The following KMT2D variants were observed in gnomAD, a reference collection of about 807,000 sequenced individuals.
KMT2D encodes the protein lysine methyltransferase 2D.
KMT2D carries 55 observed loss-of-function variants against 512.7 expected under a neutral mutation model. The observed-to-expected ratio is 0.11, with a 90% CI of 0.09 to 0.13. The LOEUF (loss-of-function observed/expected upper bound fraction) is 0.13. Among genes scored for constraint, KMT2D ranks in the 10% least tolerant of loss-of-function variants. The probability of loss-of-function intolerance (pLI) is 1.00; values close to 1 mark genes in which losing one functional copy is unlikely to be tolerated. For missense variants in KMT2D, 6,061 were observed against 7,127.9 expected (o/e 0.85, Z 5.39); for synonymous variants, 2,995 against 2,904.0 (o/e 1.03, Z -1.01).
intron 11 of KMT2D, 38 bp downstream of exon 11, chr12:49,050,848 A>C (rs989146768): frequency 6.4e-7 from 1 of 1,556,256 alleles, no homozygotes; most frequent in Admixed American, 1.9e-5. Context: ...GAAGAGTTAC[A>C]GCTGTTCCAG....
rs778134618 is a variant in KMT2D, at chr12:49,049,850, C to T, written c.3738G>A (p.Thr1246=). ...CCTCATCTCGGGCTGGACTAACATC[C>T]GTAGAGACCCCCAACTCCATGGACA... ...GSLSMELGVS[T]DVSPARDEGS... Residue 1246 remains threonine (T), a synonymous_variant, in exon 12 of 55, where the codon ACG becomes ACA. Coordinates refer to ENST00000301067, the MANE Select transcript of KMT2D (RefSeq NM_003482.4). 16 of 1,613,830 alleles carry T rather than the reference C, an allele frequency of 9.9e-6. No homozygotes were observed. The Admixed American group carries it at 1.0e-4, about 10-fold the overall frequency.
Position 49,020,989 on chromosome 12 carries a change from C to T in KMT2D, c.*791G>A. On this transcript the variant is annotated 3_prime_UTR_variant, in exon 55 of 55. Transcript: ENST00000301067. ...TGTTGTTTTTCTTCCTCCTCCTACC[C>T]CCCTTCCACCCACTCAGAAGAGGGC... The T allele has an allele frequency of 5.1e-6, 1 of 195,152 alleles. No homozygotes were observed. Among genetic ancestry groups the T allele is most frequent in the East Asian group, 7.9e-5 (1 of 12,656 alleles). The allele number at this position is 195,152 out of a possible 1,614,324, so 12.1% of individuals were successfully genotyped here. A position where few individuals can be genotyped will look rare whatever the true frequency, so the allele number is the denominator to read the frequency against.
At chr12:49,027,697 C>T in intron 48 of KMT2D, 106 bp downstream of exon 48, 1 of 1,393,656 alleles carries the variant, frequency 7.2e-7, no homozygotes, top group South Asian at 1.3e-5. Flanking sequence ...TAAAGTGATT[C>T]ACTCGCCTTG....
chr12:49,021,945 G>T lies in KMT2D; in HGVS notation c.16522-73C>A, dbSNP rs544162940. On this transcript the variant is annotated intron_variant, in intron 54 of 54. Coordinates refer to ENST00000301067, the MANE Select transcript of KMT2D (RefSeq NM_003482.4). ...GGGGAGGCCAGAGAAGATATGATCT[G>T]AGGTGCCCAGCCTAGGAATCCACAT... The T allele has an allele frequency of 4.1e-5, 64 of 1,554,220 alleles. No individual in the cohort carries two copies. The African/African-American group carries it at 8.1e-4, about 20-fold the overall frequency.
At chr12:49,049,560 G>A (rs1395564327) in intron 12 of KMT2D, 122 bp downstream of exon 12, 9 of 1,104,836 alleles carry the variant, frequency 8.1e-6, no homozygotes, top group Non-Finnish European at 1.1e-5. Context: ...CTTAATAACT[G>A]GAATAAAGGA....
intron 12 of KMT2D, 85 bp from the exon 13 acceptor site, chr12:49,049,303 C>T (rs1937771334): frequency 1.0e-5 from 9 of 874,102 alleles, no homozygotes; most frequent in South Asian, 5.1e-5. Flanking sequence ...AAGTGACAAA[C>T]GGACAGAGTA....
At chr12:49,047,541 C>A (rs1937631771) in intron 15 of KMT2D, among the ~76,000 whole-genome samples, 1 of 151,560 alleles carries the variant, frequency 6.6e-6, no homozygotes, top group Non-Finnish European at 1.5e-5. Context: ...CCTCAGCCTC[C>A]CGAGTTGCTG....
chr12:49,048,130 G>A, intron 14 of KMT2D, 61 bp from the exon 15 acceptor site: 2 of 1,151,186 alleles, frequency 1.7e-6, no homozygotes, highest in Non-Finnish European at 2.6e-6. Flanking sequence ...CTCAGATCCA[G>A]TCTACTATGA....
rs550229839 is a variant in KMT2D at position 49,043,640 on chromosome 12, T to C, written c.5462A>G (p.Gln1821Arg). The C allele has an allele frequency of 1.8e-5, 29 of 1,613,890 alleles. No individual in the cohort carries two copies. The highest frequency in any genetic ancestry group is 2.5e-5 in the Non-Finnish European group (29 of 1,179,890). The change falls in exon 24 of 55, where the codon CAG (glutamine) becomes CGG (arginine). Residue 1821 changes from glutamine to arginine, a missense_variant. Gln to Arg is a conservative substitution (Grantham distance 43). This residue lies in a region of KMT2D where 640 missense variants were observed against 814.3 expected (regional missense o/e 0.79). Transcript: ENST00000301067. ...CTCACTCCCACATAACTAACCTTTCTGCGATGTGGGGAGTTCCTTCCTTTC... is the reference window on the plus strand; with the variant it reads ...CTCACTCCCACATAACTAACCTTTCCGCGATGTGGGGAGTTCCTTCCTTTC... Reference protein sequence around the residue: ...GSERKELPTSQKGDDGPDIAD... With the variant: ...GSERKELPTSRKGDDGPDIAD...
rs201581582 is a variant in KMT2D at position 49,040,724 on chromosome 12, G to A, written c.7046C>T (p.Pro2349Leu). The change falls in exon 32 of 55, where the codon CCC (proline) becomes CTC (leucine). Residue 2349 changes from proline to leucine, a missense_variant. Pro to Leu is a moderately conservative substitution (Grantham distance 98). Coordinates refer to ENST00000301067, the MANE Select transcript of KMT2D (RefSeq NM_003482.4). The part of the protein sequence containing the change: ...EPQSPGLGLR[P>L]QEPPPAQALA... ...AGCCTGGGCAGGGGGTGGCTCCTGG[G>A]GCCTTAGGCCCAAGCCCGGGCTCTG... 1.2e-4 allele frequency: 200 copies of A among 1,613,666 alleles called. 1 individual carries two copies. The East Asian group carries it at 3.5e-3, about 28-fold the overall frequency.
At position 49,020,124 on chromosome 12, in the gene KMT2D, TGGGCAGAAAGG is replaced by T. The variant is rs1226712636; in HGVS notation, c.*1645_*1655del. 3 of 188,542 alleles carry T rather than the reference TGGGCAGAAAGG, an allele frequency of 1.6e-5. No homozygotes were observed. Among genetic ancestry groups the T allele is most frequent in the African/African-American group, 7.0e-5 (3 of 42,730 alleles). 11.7% of individuals were successfully genotyped at this position (188,542 alleles called of 1,614,324 possible). A position where few individuals can be genotyped will look rare whatever the true frequency, so the allele number is the denominator to read the frequency against. On this transcript the variant is annotated 3_prime_UTR_variant, in exon 55 of 55. Coordinates refer to ENST00000301067, the MANE Select transcript of KMT2D (RefSeq NM_003482.4). Reference sequence around the variant, plus strand: ...AAGAGGTTCAACTGCAGCACAAGCTTGGGCAGAAAGGGGAAGGAAAGGGAGGCAAGGAACCC... The same window carrying T: ...AAGAGGTTCAACTGCAGCACAAGCTTGGAAGGAAAGGGAGGCAAGGAACCC...
Position 49,033,917 on chromosome 12 carries a change from C to T in KMT2D, c.10788G>A (p.Arg3596=). The stretch of plus-strand genomic sequence containing the variant: ...GCTGCTGTTGTTGCTGCTGCTTGTT[C>T]CGATATTCTGCCATGAGATTAGTGT... ...KEHTNLMAEY[R]NKQQQQQQQQ... The change falls in exon 40 of 55, where the codon CGG becomes CGA. Residue 3596 remains arginine (R), a synonymous_variant. Transcript: ENST00000301067. The T allele has an allele frequency of 6.5e-7, 1 of 1,539,316 alleles. No individual in the cohort carries two copies. The highest frequency in any genetic ancestry group is 8.8e-7 in the Non-Finnish European group (1 of 1,142,382).
Position 49,042,670 on chromosome 12 carries a change from A to C in KMT2D, c.5783-25T>G. 1 of 1,610,890 alleles carries C rather than the reference A, an allele frequency of 6.2e-7. No individual in the cohort carries two copies. Among genetic ancestry groups the C allele is most frequent in the Non-Finnish European group, 8.5e-7 (1 of 1,177,912 alleles). On this transcript the variant is annotated intron_variant, in intron 27 of 54. Coordinates refer to ENST00000301067, the MANE Select transcript of KMT2D (RefSeq NM_003482.4). The surrounding 1 kb of genome is among the most constrained non-coding windows in gnomAD (Gnocchi z 4.4). ...CCTACAAGACGGACAGGATCAGAGAAAAGAGCAACTGGCCCATCCTGGAGG... is the reference window on the plus strand; with the variant it reads ...CCTACAAGACGGACAGGATCAGAGACAAGAGCAACTGGCCCATCCTGGAGG...
At chr12:49,047,618 C>T (rs535199162) in intron 15 of KMT2D, among the ~76,000 whole-genome samples, 1 of 152,018 alleles carries the variant, frequency 6.6e-6, no homozygotes, top group South Asian at 2.1e-4. Context: ...CGGGGTTTCA[C>T]CATGTTGACC....
rs747082882 is a variant in KMT2D at position 49,049,072 on chromosome 12, G to T, written c.4020+33C>A. 148 of 1,354,068 alleles carry T rather than the reference G, an allele frequency of 1.1e-4. 4 individuals carry two copies. In the South Asian group the frequency reaches 1.7e-3, roughly 16 times the overall value. The allele number at this position is 1,354,068 out of a possible 1,614,324, so 83.9% of individuals were successfully genotyped here. On this transcript the variant is annotated intron_variant, in intron 13 of 54. Transcript: ENST00000301067. Reference sequence around the variant, plus strand: ...ACTCAGAGGGTGCTAAAGCATGGTTGGGGGATGGGAGGAATAGGAGGCATC... The same window carrying T: ...ACTCAGAGGGTGCTAAAGCATGGTTTGGGGATGGGAGGAATAGGAGGCATC...
Position 49,024,169 on chromosome 12 carries a change from CTATT to C in KMT2D, c.16052+405_16052+408del. On this transcript the variant is annotated intron_variant, in intron 51 of 54. Transcript: ENST00000301067. The surrounding 1 kb of genome is among the most constrained non-coding windows in gnomAD (Gnocchi z 4.5). ...TATTATTTTTCTATTATATCTCTAACTATTTATTTTTGACACCAACACTCATGGG... is the reference window on the plus strand; with the variant it reads ...TATTATTTTTCTATTATATCTCTAACTATTTTTGACACCAACACTCATGGG... 2 of 447,838 alleles carry C rather than the reference CTATT, an allele frequency of 4.5e-6. No homozygotes were observed. The highest frequency in any genetic ancestry group is 8.8e-6 in the Non-Finnish European group (2 of 227,496). The allele number at this position is 447,838 out of a possible 1,614,324, so 27.7% of individuals were successfully genotyped here.
chr12:49,048,451 C>A (rs1288485700), intron 14 of KMT2D, among the ~76,000 whole-genome samples: 2 of 152,236 alleles, frequency 1.3e-5, no homozygotes, highest in East Asian at 1.9e-4. Context: ...ACTGCTATTT[C>A]TCTAGCTCCT....
rs2120608428 is a variant in KMT2D at position 49,046,549 on chromosome 12, T to C, written c.4418+60A>G. 1 of 1,577,998 alleles carries C rather than the reference T, an allele frequency of 6.3e-7. No homozygotes were observed. The highest frequency in any genetic ancestry group is 8.6e-7 in the Non-Finnish European group (1 of 1,157,534). The stretch of plus-strand genomic sequence containing the variant: ...CCCAGCCTCTGTCACATACTCAACA[T>C]CATATCCACTTTAACATCTCAAGGC... On this transcript the variant is annotated intron_variant, in intron 16 of 54. Transcript: ENST00000301067. The surrounding 1 kb of genome is among the most constrained non-coding windows in gnomAD (Gnocchi z 4.2).
rs2120643168 is a variant in KMT2D, at chr12:49,049,936, C to T, written c.3652G>A (p.Ala1218Thr). 9 of 1,613,974 alleles carry T rather than the reference C, an allele frequency of 5.6e-6. No individual in the cohort carries two copies. Among genetic ancestry groups the T allele is most frequent in the Non-Finnish European group, 6.8e-6 (8 of 1,179,900 alleles). Residue 1218 changes from alanine (A) to threonine (T), a missense_variant, in exon 12 of 55, where the codon GCC becomes ACC. This residue lies in a region of KMT2D where 447 missense variants were observed against 500.1 expected (regional missense o/e 0.89). Coordinates refer to ENST00000301067, the MANE Select transcript of KMT2D (RefSeq NM_003482.4). The part of the protein sequence containing the change: ...ISNLSQGDAS[A>T]SFPGSEPLLG... ...AGGGGCTCTGAGCCAGGAAAACTGG[C>T]ACTGGCATCACCCTGGCTCAGATTA... is the stretch of plus-strand genomic sequence containing the variant.
Sources: allele counts gnomAD v4.1 joint callset (sites outside exome capture counted in the v4.1 genomes callset), GRCh38; gene constraint gnomAD v4.1.1; regional missense constraint gnomAD v4.1.1; non-coding constraint Gnocchi (gnomAD v3.1); transcripts MANE v1.5; gene names NCBI Gene and HGNC (gene_info 2026-07-23, HGNC 2026-07-21).